The following BIRC6 variants were observed in gnomAD, a reference collection of about 807,000 sequenced individuals.
The protein encoded by BIRC6 is baculoviral IAP repeat containing 6.
BIRC6 carries 98 observed loss-of-function variants against 503.3 expected under a neutral mutation model. That is an observed-to-expected ratio of 0.19 (90% CI 0.17 to 0.23). The LOEUF is 0.23. Among genes scored for constraint, BIRC6 ranks in the 10% least tolerant of loss-of-function variants. The pLI is 1.00. For missense variants in BIRC6, 5,360 were observed against 5,806.0 expected (o/e 0.92, Z 2.50); for synonymous variants, 2,240 against 2,078.7 (o/e 1.08, Z -2.11).
At chr2:32,467,802 G>C in intron 27 of BIRC6, 63 bp downstream of exon 27, 1 of 1,466,028 alleles carries the variant, frequency 6.8e-7, no homozygotes, top group Non-Finnish European at 9.2e-7. Context: ...TATGAAAAAT[G>C]AATATATAAT....
At chr2:32,530,773 G>A (rs2056676986) in intron 60 of BIRC6, among the ~76,000 whole-genome samples, 1 of 151,952 alleles carries the variant, frequency 6.6e-6, no homozygotes, top group African/African-American at 2.4e-5. Context: ...CATTGTCTTT[G>A]CCCAGTTTTT....
chr2:32,574,366 C>T (rs2060121099), intron 65 of BIRC6, among the ~76,000 whole-genome samples: 1 of 152,110 alleles, frequency 6.6e-6, no homozygotes, highest in South Asian at 2.1e-4. Flanking sequence ...GATCCTCCCA[C>T]CTTGGCCTCC....
chr2:32,534,785 G>A (rs1253699545), intron 61 of BIRC6, among the ~76,000 whole-genome samples: 1 of 145,936 alleles, frequency 6.9e-6, no homozygotes, highest in Non-Finnish European at 1.5e-5. Flanking sequence ...CATAGAAAGT[G>A]TAAGGAATGA....
intron 73 of BIRC6, among the ~76,000 whole-genome samples, chr2:32,615,436 G>A (rs1004324614): frequency 1.3e-5 from 2 of 152,084 alleles, no homozygotes; most frequent in African/African-American, 4.8e-5. Flanking sequence ...AGGTAGAGTT[G>A]TTTTTTCCTA....
At position 32,508,276 on chromosome 2, in the gene BIRC6, CTTTTTTTTTTTTTT is replaced by C. The variant is rs10528992; in HGVS notation, c.9980+31_9980+44del. ...CAAAACAAGGTATGTTTTGTTTGTCCTTTTTTTTTTTTTTTTTTTTTTTTTTTGGCATGGTTGGG... is the reference window on the plus strand; with the variant it reads ...CAAAACAAGGTATGTTTTGTTTGTCCTTTTTTTTTTTTTGGCATGGTTGGG... On this transcript the variant is annotated intron_variant, in intron 51 of 73. Coordinates refer to ENST00000421745, the MANE Select transcript of BIRC6 (RefSeq NM_016252.4). The C allele has an allele frequency of 3.3e-4, 289 of 864,766 alleles. 1 individual carries two copies. Among genetic ancestry groups the C allele is most frequent in the Middle Eastern group, 1.3e-3 (3 of 2,290 alleles). 53.6% of individuals were successfully genotyped at this position (864,766 alleles called of 1,614,324 possible).
intron 66 of BIRC6, among the ~76,000 whole-genome samples, chr2:32,586,880 AAAAC>A (rs1313838981): frequency 3.9e-5 from 6 of 152,192 alleles, no homozygotes; most frequent in Admixed American, 2.6e-4. Flanking sequence ...ATAAATGAGA[AAAAC>A]AAAGTTCATA....
At chr2:32,551,885 C>T (rs554281758) in intron 65 of BIRC6, among the ~76,000 whole-genome samples, 1 of 152,154 alleles carries the variant, frequency 6.6e-6, no homozygotes, top group South Asian at 2.1e-4. Flanking sequence ...GAATATTCTA[C>T]AGATTGGTTT....
At position 32,436,258 on chromosome 2, in the gene BIRC6, C is replaced by CA. The variant is rs537359750; in HGVS notation, c.3631+82dup. The CA allele has an allele frequency of 5.1e-3, 6,139 of 1,213,930 alleles. 29 individuals are homozygous for CA. The highest frequency in any genetic ancestry group is 0.013 in the Middle Eastern group (59 of 4,700). The allele number at this position is 1,213,930 out of a possible 1,614,324, so 75.2% of individuals were successfully genotyped here. A position where few individuals can be genotyped will look rare whatever the true frequency, so the allele number is the denominator to read the frequency against. On this transcript the variant is annotated intron_variant, in intron 15 of 73. Coordinates refer to ENST00000421745, the MANE Select transcript of BIRC6 (RefSeq NM_016252.4). ...AAAAAAGACGAAAAAAAACTGATCT[C>CA]AAAAAAAATAAGATTGTTTTCTTTG...
Position 32,434,510 on chromosome 2 carries a change from GA to G in BIRC6, c.3409+712del, listed in dbSNP as rs556116619. Among the ~76,000 whole-genome samples the G allele has an allele frequency of 2.9e-3, 442 of 151,714 alleles. 2 individuals are homozygous for G. In the South Asian group the frequency reaches 0.034, roughly 12 times the overall value. On this transcript the variant is annotated intron_variant, in intron 13 of 73. Transcript: ENST00000421745. ...CGTGGATTGAAAATACTTTGGGGGGGAAAAAATAAAAAAAATTACGACAGTA... is the reference window on the plus strand; with the variant it reads ...CGTGGATTGAAAATACTTTGGGGGGGAAAAATAAAAAAAATTACGACAGTA...
chr2:32,576,623 T>C (rs1428929294), intron 66 of BIRC6, among the ~76,000 whole-genome samples: 1 of 152,158 alleles, frequency 6.6e-6, no homozygotes, highest in Non-Finnish European at 1.5e-5. Context: ...AGAAATAGTG[T>C]AGATCAAAAG....
At position 32,415,029 on chromosome 2, in the gene BIRC6, A is replaced by G. The variant is rs200852251; in HGVS notation, c.1738A>G (p.Thr580Ala). ...GGLLTYKSPA[T>A]SPISSNSHRS... ...TTTATTAACATATAAATCTCCTGCT[A>G]CCTCACCCATTAGTAGTAATTCTCA... The change falls in exon 10 of 74, where the codon ACC becomes GCC. Residue 580 changes from threonine (T) to alanine (A), a missense_variant. This residue lies in a region of BIRC6 where 700 missense variants were observed against 739.3 expected (regional missense o/e 0.95). Coordinates refer to ENST00000421745, the MANE Select transcript of BIRC6 (RefSeq NM_016252.4). 9 of 1,613,912 alleles carry G rather than the reference A, an allele frequency of 5.6e-6. No individual in the cohort carries two copies. Among genetic ancestry groups the G allele is most frequent in the African/African-American group, 5.3e-5 (4 of 75,052 alleles).
At chr2:32,360,230 T>A (rs2033837034) in intron 1 of BIRC6, among the ~76,000 whole-genome samples, 1 of 152,204 alleles carries the variant, frequency 6.6e-6, no homozygotes, top group African/African-American at 2.4e-5. Flanking sequence ...CCTGTAGATT[T>A]GCAGTTGAAG....
At chr2:32,538,512 A>G (rs147677002) in intron 61 of BIRC6, among the ~76,000 whole-genome samples, 1,727 of 152,380 alleles carry the variant, frequency 0.011, 38 homozygotes, top group African/African-American at 0.039. Context: ...AGACTCTTCT[A>G]ATAAATTACA....
At chr2:32,444,976 A>T (rs2045805581) in intron 20 of BIRC6, among the ~76,000 whole-genome samples, 1 of 152,226 alleles carries the variant, frequency 6.6e-6, no homozygotes, top group African/African-American at 2.4e-5. Context: ...TGTATGTAGC[A>T]GTTAATAAAA....
chr2:32,535,575 G>A (rs964294306), intron 61 of BIRC6, among the ~76,000 whole-genome samples: 3 of 152,066 alleles, frequency 2.0e-5, no homozygotes, highest in Admixed American at 6.6e-5. Flanking sequence ...TCGTCCTTGC[G>A]ATAGTTTGCT....
intron 16 of BIRC6, among the ~76,000 whole-genome samples, chr2:32,440,751 T>TTATTATTATTATTA (rs1553429507): frequency 2.7e-5 from 4 of 147,178 alleles, no homozygotes; most frequent in African/African-American, 7.6e-5. Context: ...TGTTTATTTA[T>TTATTATTATTATTA]TTATTATTAT....
At chr2:32,444,464 T>C (rs998744600) in intron 20 of BIRC6, among the ~76,000 whole-genome samples, 4 of 152,198 alleles carry the variant, frequency 2.6e-5, no homozygotes, top group Non-Finnish European at 4.4e-5. Context: ...TATAAGGTAA[T>C]GAAGATTTTT....
At chr2:32,431,229 T>G in intron 12 of BIRC6, 139 bp downstream of exon 12, 1 of 497,512 alleles carries the variant, frequency 2.0e-6, no homozygotes, top group Admixed American at 4.1e-5. Flanking sequence ...AGAGTCTCAC[T>G]CTGTCACCCA....
intron 45 of BIRC6, 78 bp from the exon 46 acceptor site, chr2:32,499,469 C>T (rs145086158): frequency 2.3e-5 from 29 of 1,285,748 alleles, no homozygotes; most frequent in African/African-American, 3.0e-5. Flanking sequence ...TACTTAAAAT[C>T]GTTTAATTTT....
Sources: allele counts gnomAD v4.1 joint callset (sites outside exome capture counted in the v4.1 genomes callset), GRCh38; gene constraint gnomAD v4.1.1; regional missense constraint gnomAD v4.1.1; transcripts MANE v1.5; gene names NCBI Gene and HGNC (gene_info 2026-07-23, HGNC 2026-07-21).